CMA1: variants seen among roughly 807,000 people sequenced by gnomAD.
CMA1 encodes the protein chymase 1, also known as chymase.
CMA1 carries 24 observed loss-of-function variants against 18.8 expected under a neutral mutation model. The ratio of observed to expected loss-of-function variants is 1.28; its 90% CI spans 0.92 to 1.80. The LOEUF is 1.80. CMA1 is among the 40% of genes most tolerant of loss of function. The pLI is 0.00. For synonymous variants in CMA1, 152 were observed against 117.0 expected, an observed-to-expected ratio of 1.30 and a Z score of -1.93; for missense variants, 421 against 302.8, an observed-to-expected ratio of 1.39 and a Z score of -2.90.
chr14:24,506,555 T>G lies in CMA1; in HGVS notation c.259A>C (p.Thr87Pro), dbSNP rs775652217. ...TTTATAACCTCAAGCTTCTGCCATG[T>G]GTCTTCTTCCTCTGTTATGTTATGG... Reference protein sequence around the residue: ...GAHNITEEEDTWQKLEVIKQF... With the variant: ...GAHNITEEEDPWQKLEVIKQF... Residue 87 changes from threonine to proline, a missense_variant, in exon 3 of 5, where the codon ACA becomes CCA. Thr to Pro is a conservative substitution (Grantham distance 38, BLOSUM62 -1). Transcript: ENST00000250378. 9 of 1,614,082 alleles carry G rather than the reference T, an allele frequency of 5.6e-6. No individual in the cohort carries two copies. Among genetic ancestry groups the G allele is most frequent in the Non-Finnish European group, 7.6e-6 (9 of 1,180,024 alleles).
At chr14:24,505,798 C>A in intron 4 of CMA1, 139 bp from the exon 5 acceptor site, 1 of 1,179,272 alleles carries the variant, frequency 8.5e-7, no homozygotes, top group South Asian at 1.5e-5. Flanking sequence ...AGTTCTGATG[C>A]CCCTTCTTCC....
At chr14:24,506,706 G>T in intron 2 of CMA1, 102 bp from the exon 3 acceptor site, 1 of 1,428,178 alleles carries the variant, frequency 7.0e-7, no homozygotes, top group Non-Finnish European at 9.5e-7. Context: ...TCTGTCACTG[G>T]GTCGCCGGAC....
chr14:24,507,480 T>G lies in CMA1; in HGVS notation c.85A>C (p.Lys29Gln). The G allele has an allele frequency of 6.2e-7, 1 of 1,614,088 alleles. No homozygotes were observed. The highest frequency in any genetic ancestry group is 8.5e-7 in the Non-Finnish European group (1 of 1,179,976). Residue 29 changes from lysine to glutamine, a missense_variant, in exon 2 of 5, where the codon AAG (lysine) becomes CAG (glutamine). Transcript: ENST00000250378. ...AGEIIGGTEC[K>Q]PHSRPYMAYL... ...GCCATGTAGGGGCGGGAATGTGGCTTGCATTCTGTGCCCCCGATGATCTCC... is the reference window on the plus strand; with the variant it reads ...GCCATGTAGGGGCGGGAATGTGGCTGGCATTCTGTGCCCCCGATGATCTCC...
chr14:24,507,772 G>C (rs1400126164), intron 1 of CMA1, among the ~76,000 whole-genome samples: 1 of 152,078 alleles, frequency 6.6e-6, no homozygotes, highest in African/African-American at 2.4e-5. Flanking sequence ...ACCCTCCTCT[G>C]TCTCTGTGTA....
In CMA1 at chr14:24,506,545, TTC is replaced by T; in HGVS notation, c.267_268del (p.Lys90AlafsTer2). 4.5e-5 allele frequency: 73 copies of T among 1,614,168 alleles called. No individual in the cohort carries two copies. Among genetic ancestry groups the T allele is most frequent in the Non-Finnish European group, 6.0e-5 (71 of 1,179,972 alleles). ...ACGGAATTGCTTTATAACCTCAAGC[TTC>T]TGCCATGTGTCTTCTTCCTCTGTTA... On this transcript the variant is annotated frameshift_variant, in exon 3 of 5. Transcript: ENST00000250378. LOFTEE classifies it high-confidence loss of function.
Position 24,508,199 on chromosome 14 carries a change from A to G in CMA1, c.37T>C (p.Leu13=), listed in dbSNP as rs572727783. 1 of 1,613,974 alleles carries G rather than the reference A, an allele frequency of 6.2e-7. No homozygotes were observed. Among genetic ancestry groups the G allele is most frequent in the Non-Finnish European group, 8.5e-7 (1 of 1,179,934 alleles). Residue 13 remains leucine, a synonymous_variant, in exon 1 of 5, where the codon TTG becomes CTG. Transcript: ENST00000250378. ...TCACCAGCTTCAGCTCTGGAGCACAAGAGAAAGAGCAGCAGGGGGAGAGGA... is the reference window on the plus strand; with the variant it reads ...TCACCAGCTTCAGCTCTGGAGCACAGGAGAAAGAGCAGCAGGGGGAGAGGA... ...LLPLPLLLFL[L]CSRAEAGEII...
In CMA1 at chr14:24,506,472, T is replaced by C. The variant is rs771978821; in HGVS notation, c.342A>G (p.Leu114=). 4 of 1,614,028 alleles carry C rather than the reference T, an allele frequency of 2.5e-6. No individual in the cohort carries two copies. Among genetic ancestry groups the C allele is most frequent in the Non-Finnish European group, 2.5e-6 (3 of 1,180,034 alleles). The part of the protein sequence containing the change: ...TSTLHHDIML[L]KLKEKASLTL... ...GGGAGAAGAGAGGTGTTGTCACCTTTAGTAACATGATATCGTGGTGAAGAG... is the reference window on the plus strand; with the variant it reads ...GGGAGAAGAGAGGTGTTGTCACCTTCAGTAACATGATATCGTGGTGAAGAG... Residue 114 remains leucine, a synonymous_variant, in exon 3 of 5, where the codon CTA becomes CTG. Transcript: ENST00000250378.
intron 4 of CMA1, among the ~76,000 whole-genome samples, 178 bp downstream of exon 4, chr14:24,505,850 C>T (rs75089419): frequency 0.028 from 4,210 of 152,260 alleles, 116 homozygotes; most frequent in East Asian, 0.13. Context: ...TCACCCCATG[C>T]CCCCAGTGCA....
Position 24,506,215 on chromosome 14 carries a change from A to G in CMA1, c.413T>C (p.Val138Ala). The G allele has an allele frequency of 6.2e-7, 1 of 1,614,146 alleles. No homozygotes were observed. Among genetic ancestry groups the G allele is most frequent in the Non-Finnish European group, 8.5e-7 (1 of 1,180,018 alleles). The change falls in exon 4 of 5, where the codon GTC becomes GCC. Residue 138 changes from valine to alanine, a missense_variant. Coordinates refer to ENST00000250378, the MANE Select transcript of CMA1 (RefSeq NM_001836.5). Reference sequence around the variant, plus strand: ...CACCCGGCACATTCTCCCAGGTGGGACAAAGTTGAATTGGGATGGGAAGGG... The same window carrying G: ...CACCCGGCACATTCTCCCAGGTGGGGCAAAGTTGAATTGGGATGGGAAGGG... ...TLPFPSQFNF[V>A]PPGRMCRVAG...
Position 24,506,165 on chromosome 14 carries a change from A to T in CMA1, c.463T>A (p.Leu155Met). 1 of 1,614,178 alleles carries T rather than the reference A, an allele frequency of 6.2e-7. No individual in the cohort carries two copies. Among genetic ancestry groups the T allele is most frequent in the Non-Finnish European group, 8.5e-7 (1 of 1,180,038 alleles). Residue 155 changes from leucine (L) to methionine (M), a missense_variant, in exon 4 of 5, where the codon TTG becomes ATG. Physicochemically the swap from Leu to Met is conservative, Grantham distance 15. Transcript: ENST00000250378. ...TGCAGAGTGTCTGAGCCCGGCTTCA[A>T]CACACCTGTTCTTCCCCAGCCAGCC... ...RVAGWGRTGVLKPGSDTLQEV... is the reference protein window; with the variant it reads ...RVAGWGRTGVMKPGSDTLQEV...
Position 24,505,369 on chromosome 14 carries a change from T to C in CMA1, c.*147A>G, listed in dbSNP as rs1311860226. ...ACTAGAAGCTGTGTCTTCACTGAGG[T>C]TTATTGAGAGTTCTGTGACCTGTAG... On this transcript the variant is annotated 3_prime_UTR_variant, in exon 5 of 5. Transcript: ENST00000250378. The C allele has an allele frequency of 1.0e-6, 1 of 976,668 alleles. No homozygotes were observed. The highest frequency in any genetic ancestry group is 1.6e-6 in the Non-Finnish European group (1 of 637,310). 60.5% of individuals were successfully genotyped at this position (976,668 alleles called of 1,614,324 possible).
At chr14:24,505,948 C>T (rs2043849895) in intron 4 of CMA1, 80 bp downstream of exon 4, 6 of 1,552,452 alleles carry the variant, frequency 3.9e-6, no homozygotes, top group African/African-American at 1.4e-5. Context: ...GACTGACAAC[C>T]TTCTGACCCC....
In CMA1 at chr14:24,506,170, C is replaced by G. The variant is rs1037479728; in HGVS notation, c.458G>C (p.Gly153Ala). Reference protein sequence around the residue: ...MCRVAGWGRTGVLKPGSDTLQ... With the variant: ...MCRVAGWGRTAVLKPGSDTLQ... ...AGTGTCTGAGCCCGGCTTCAACACA[C>G]CTGTTCTTCCCCAGCCAGCCACCCG... is the stretch of plus-strand genomic sequence containing the variant. The change falls in exon 4 of 5, where the codon GGT (glycine) becomes GCT (alanine). Residue 153 changes from glycine (G) to alanine (A), a missense_variant. Gly to Ala is a moderately conservative substitution (Grantham distance 60, BLOSUM62 0). Transcript: ENST00000250378. 3 of 1,614,098 alleles carry G rather than the reference C, an allele frequency of 1.9e-6. No homozygotes were observed. Among genetic ancestry groups the G allele is most frequent in the Non-Finnish European group, 2.5e-6 (3 of 1,180,052 alleles).
At position 24,505,948 on chromosome 14, in the gene CMA1, C is replaced by A. The variant is rs2043849895; in HGVS notation, c.600+80G>T. The A allele has an allele frequency of 2.6e-6, 4 of 1,552,570 alleles. No individual in the cohort carries two copies. In the Admixed American group the frequency reaches 6.9e-5, roughly 27 times the overall value. On this transcript the variant is annotated intron_variant, in intron 4 of 4. Transcript: ENST00000250378. ...GCTCACCCTGTCACTGACTGACAAC[C>A]TTCTGACCCCATCTCCTTCTAAGAG... is the stretch of plus-strand genomic sequence containing the variant.
rs769663541 is a variant in CMA1, at chr14:24,506,169, A to G, written c.459T>C (p.Gly153=). The G allele has an allele frequency of 3.1e-6, 5 of 1,614,012 alleles. 1 individual carries two copies. The South Asian group carries it at 4.4e-5, about 14-fold the overall frequency. ...MCRVAGWGRT[G]VLKPGSDTLQ... ...GAGTGTCTGAGCCCGGCTTCAACAC[A>G]CCTGTTCTTCCCCAGCCAGCCACCC... The change falls in exon 4 of 5, where the codon GGT becomes GGC. Residue 153 remains glycine, a synonymous_variant. Transcript: ENST00000250378.
Position 24,506,173 on chromosome 14 carries a change from G to A in CMA1, c.455C>T (p.Thr152Ile). Residue 152 changes from threonine (T) to isoleucine (I), a missense_variant, in exon 4 of 5, where the codon ACA becomes ATA. Thr to Ile is a moderately conservative substitution (Grantham distance 89). Coordinates refer to ENST00000250378, the MANE Select transcript of CMA1 (RefSeq NM_001836.5). Reference sequence around the variant, plus strand: ...GTCTGAGCCCGGCTTCAACACACCTGTTCTTCCCCAGCCAGCCACCCGGCA... The same window carrying A: ...GTCTGAGCCCGGCTTCAACACACCTATTCTTCCCCAGCCAGCCACCCGGCA... ...RMCRVAGWGR[T>I]GVLKPGSDTL... is the part of the protein sequence containing the mutation. 1 of 1,614,186 alleles carries A rather than the reference G, an allele frequency of 6.2e-7. No homozygotes were observed. The highest frequency in any genetic ancestry group is 8.5e-7 in the Non-Finnish European group (1 of 1,180,034).
chr14:24,508,097 G>T, intron 1 of CMA1, 81 bp downstream of exon 1: 1 of 1,321,264 alleles, frequency 7.6e-7, no homozygotes, highest in Non-Finnish European at 1.1e-6. Flanking sequence ...CCCTGTTTAG[G>T]AGTCAGCTAT....
rs949498713 is a variant in CMA1, at chr14:24,505,441, C to T, written c.*75G>A. 3.1e-5 allele frequency: 49 copies of T among 1,597,074 alleles called. No individual in the cohort carries two copies. The highest frequency in any genetic ancestry group is 3.7e-4 in the Middle Eastern group (2 of 5,416). On this transcript the variant is annotated 3_prime_UTR_variant, in exon 5 of 5. Transcript: ENST00000250378. ...TTGTGGCTGAGGGACCAAGGGTAGA[C>T]CAGAATGAGTGGCACACACTTTGCT...
In CMA1 at chr14:24,507,401, A is replaced by G; in HGVS notation, c.164T>C (p.Leu55Pro). Reference sequence around the variant, plus strand: ...CGTCAGCACAAAGTTCCGTCTTATAAGGAAACCACCACAAAATTTTGAGGG... The same window carrying G: ...CGTCAGCACAAAGTTCCGTCTTATAGGGAAACCACCACAAAATTTTGAGGG... ...NGPSKFCGGF[L>P]IRRNFVLTAA... Residue 55 changes from leucine (L) to proline (P), a missense_variant, in exon 2 of 5, where the codon CTT (leucine) becomes CCT (proline). Leu to Pro is a moderately conservative substitution (Grantham distance 98). Transcript: ENST00000250378. 1.9e-6 allele frequency: 3 copies of G among 1,614,222 alleles called. No homozygotes were observed. The highest frequency in any genetic ancestry group is 2.5e-6 in the Non-Finnish European group (3 of 1,180,030).
Sources: gnomAD v4.1 joint callset for allele counts (sites outside exome capture counted in the v4.1 genomes callset) on GRCh38, gnomAD v4.1.1 for gene constraint, MANE v1.5 for transcripts, NCBI Gene and HGNC (gene_info 2026-07-23, HGNC 2026-07-21) for gene names.